The following DPP6 variants were observed in gnomAD, a reference collection of about 807,000 sequenced individuals.
DPP6 encodes dipeptidyl peptidase like 6, also known as A-type potassium channel modulatory protein DPP6.
In DPP6, 69 loss-of-function variants were observed where a neutral mutation model predicts 122.6. That is an observed-to-expected ratio of 0.56 (90% CI 0.46 to 0.69). The LOEUF (loss-of-function observed/expected upper bound fraction) is 0.69, where lower values mean the gene tolerates loss of function less well. Among genes scored for constraint, DPP6 ranks in the 30% least tolerant of loss-of-function variants. DPP6 has a pLI of 0.00. For missense variants in DPP6, 928 were observed against 1,116.9 expected, an observed-to-expected ratio of 0.83 and a Z score of 2.41; for synonymous variants, 418 against 433.1, an observed-to-expected ratio of 0.97 and a Z score of 0.43.
At chr7:154,186,603 C>A (rs760844997) in intron 1 of DPP6, among the ~76,000 whole-genome samples, 1 of 152,186 alleles carries the variant, frequency 6.6e-6, no homozygotes, top group Non-Finnish European at 1.5e-5. Flanking sequence ...TAGTAGCACA[C>A]AGGCATGGCC....
chr7:154,378,339 A>C (rs1813300654), intron 1 of DPP6, among the ~76,000 whole-genome samples: 1 of 152,270 alleles, frequency 6.6e-6, no homozygotes, highest in Non-Finnish European at 1.5e-5. Context: ...GTGTAAAATT[A>C]GATATAAACT....
intron 1 of DPP6, chr7:154,094,500 T>A (rs976313232): frequency 1.3e-5 from 2 of 152,340 alleles, no homozygotes; most frequent in African/African-American, 2.4e-5. Context: ...TGCTGAATTA[T>A]GTTTGCGGCG....
the DPP6 span, among the ~76,000 whole-genome samples, chr7:153,753,290 T>C: frequency 6.6e-6 from 1 of 152,086 alleles, no homozygotes; most frequent in Admixed American, 6.6e-5. Context: ...TGTACCATTA[T>C]TTTCAAAAAT....
In DPP6 at chr7:154,149,682, A is replaced by G. The variant is rs182511536; in HGVS notation, c.243+96619A>G. On this transcript the variant is annotated intron_variant, in intron 1 of 25. Coordinates refer to ENST00000377770, the MANE Select transcript of DPP6 (RefSeq NM_130797.4). Reference sequence around the variant, plus strand: ...ATGAAGAAGAAACAGAAAAGATTATAGAGAACTGGAAAACAACAATTTAAC... The same window carrying G: ...ATGAAGAAGAAACAGAAAAGATTATGGAGAACTGGAAAACAACAATTTAAC... Among the ~76,000 whole-genome samples the G allele has an allele frequency of 7.0e-3, 1,065 of 152,282 alleles. 4 individuals are homozygous for G. Among genetic ancestry groups the G allele is most frequent in the Non-Finnish European group, 0.012 (785 of 68,016 alleles).
At chr7:153,915,146 T>C (rs1481900981) in intron 1 of DPP6, among the ~76,000 whole-genome samples, 1 of 152,218 alleles carries the variant, frequency 6.6e-6, no homozygotes, top group Non-Finnish European at 1.5e-5. Flanking sequence ...GCTTGAGTTG[T>C]GGCCCTATGA....
At chr7:154,330,425 C>T (rs1433099778) in intron 1 of DPP6, among the ~76,000 whole-genome samples, 1 of 152,124 alleles carries the variant, frequency 6.6e-6, no homozygotes, top group Non-Finnish European at 1.5e-5. Context: ...AATTGTCACA[C>T]TGGAGTGTGG....
At chr7:154,063,717 C>T (rs1428252077) in intron 1 of DPP6, among the ~76,000 whole-genome samples, 1 of 149,610 alleles carries the variant, frequency 6.7e-6, no homozygotes, top group African/African-American at 2.5e-5. Flanking sequence ...GGACTGAGAG[C>T]CAGCCCCTCT....
intron 25 of DPP6, among the ~76,000 whole-genome samples, chr7:154,891,622 TGA>T (rs1489414211): frequency 6.6e-6 from 1 of 152,066 alleles, no homozygotes; most frequent in African/African-American, 2.4e-5. Flanking sequence ...AGAGTGTAAC[TGA>T]GAGAGCATAG....
At chr7:154,757,442 T>A (rs2131495101) in intron 8 of DPP6, among the ~76,000 whole-genome samples, 1 of 152,332 alleles carries the variant, frequency 6.6e-6, no homozygotes, top group African/African-American at 2.4e-5. Flanking sequence ...CTGCCTCACT[T>A]GGAGACAATG....
In DPP6 at chr7:153,924,481, T is replaced by C. The variant is rs1260970882; in HGVS notation, c.51+36747T>C. ...TGATGATGACAATGATGATGAAAGT[T>C]GTTATTAAACCATCGCTCCCTCCCT... is the stretch of plus-strand genomic sequence containing the variant. On this transcript the variant is annotated intron_variant, in intron 1 of 25. Transcript: ENST00000404039. Among the ~76,000 whole-genome samples, 3 of 152,182 alleles carry C rather than the reference T, an allele frequency of 2.0e-5. No homozygotes were observed. In the East Asian group the frequency reaches 5.8e-4, roughly 29 times the overall value.
intron 1 of DPP6, among the ~76,000 whole-genome samples, chr7:153,920,561 C>CTTTTTTTTTT (rs1489811189): frequency 0.25 from 14,165 of 57,746 alleles, 2,048 homozygotes; most frequent in East Asian, 0.44. Flanking sequence ...TTTTATCTCT[C>CTTTTTTTTTT]TCTTTTTTTT....
chr7:154,202,070 T>C lies in DPP6; in HGVS notation c.243+149007T>C, dbSNP rs566027228. Among the ~76,000 whole-genome samples, 34 of 152,236 alleles carry C rather than the reference T, an allele frequency of 2.2e-4. No individual in the cohort carries two copies. The South Asian group carries it at 6.7e-3, about 30-fold the overall frequency. ...GGAGCTACGACTAGTTTTCTTGGAG[T>C]GAGTTTTGGGAATTTAAATAAGTAA... On this transcript the variant is annotated intron_variant, in intron 1 of 25. Coordinates refer to ENST00000377770, the MANE Select transcript of DPP6 (RefSeq NM_130797.4).
intron 1 of DPP6, among the ~76,000 whole-genome samples, chr7:154,224,045 C>G (rs561105141): frequency 6.8e-6 from 1 of 146,930 alleles, no homozygotes; most frequent in Non-Finnish European, 1.5e-5. Flanking sequence ...GGAGGAGACA[C>G]ACAGCCTGAC....
chr7:154,060,249 G>GT (rs1801525758), intron 1 of DPP6, among the ~76,000 whole-genome samples: 1 of 139,850 alleles, frequency 7.2e-6, no homozygotes, highest in Non-Finnish European at 1.6e-5. Flanking sequence ...CCATCGCTGG[G>GT]GGCGGAGGCA....
intron 1 of DPP6, among the ~76,000 whole-genome samples, chr7:154,202,095 A>G (rs951485828): frequency 1.3e-5 from 2 of 152,256 alleles, no homozygotes; most frequent in Admixed American, 6.5e-5. Context: ...TAAATAAGTA[A>G]ATCGTGTGAT....
At chr7:154,004,425 T>C (rs1037608135) in intron 1 of DPP6, among the ~76,000 whole-genome samples, 10 of 152,056 alleles carry the variant, frequency 6.6e-5, no homozygotes, top group Admixed American at 2.0e-4. Flanking sequence ...TGGGGAGATA[T>C]CTATGCATTG....
chr7:154,463,599 G>C (rs970284907), intron 2 of DPP6, among the ~76,000 whole-genome samples: 1 of 152,128 alleles, frequency 6.6e-6, no homozygotes, highest in African/African-American at 2.4e-5. Flanking sequence ...CTGTCTCTGA[G>C]TCTTACCCAA....
At chr7:153,973,091 A>G (rs572576996) in intron 1 of DPP6, among the ~76,000 whole-genome samples, 10 of 152,100 alleles carry the variant, frequency 6.6e-5, no homozygotes, top group Admixed American at 6.5e-4. Context: ...TTAATAAATA[A>G]TTGAAAACAT....
chr7:154,138,400 C>T (rs555570416), intron 1 of DPP6, among the ~76,000 whole-genome samples: 98 of 152,296 alleles, frequency 6.4e-4, no homozygotes, highest in Non-Finnish European at 7.1e-4. Flanking sequence ...TCTCCAGATG[C>T]TCAAAGCTTG....
Sources: gnomAD v4.1 joint callset for allele counts (sites outside exome capture counted in the v4.1 genomes callset) on GRCh38, gnomAD v4.1.1 for gene constraint, MANE v1.5 for transcripts, NCBI Gene and HGNC (gene_info 2026-07-23, HGNC 2026-07-21) for gene names.